Variants in TBL3 observed in about 807,000 individuals in gnomAD.
The protein encoded by TBL3 is transducin beta-like protein 3.
TBL3 carries 71 observed loss-of-function variants against 102.7 expected under a neutral mutation model. That is an observed-to-expected ratio of 0.69 (90% CI 0.57 to 0.84). The LOEUF is 0.84. Ranked by LOEUF, TBL3 falls within the 40% of genes least tolerant of loss-of-function variation. TBL3 has a pLI of 0.00. For missense variants in TBL3, 1,188 were observed against 1,098.5 expected, an observed-to-expected ratio of 1.08 and a Z score of -1.15; for synonymous variants, 578 against 477.7, an observed-to-expected ratio of 1.21 and a Z score of -2.74.
At position 1,982,125 on chromosome 16, in the gene TBL3, C is replaced by G. The variant is rs190592417; in HGVS notation, c.*3440C>G. On this transcript the variant is annotated 3_prime_UTR_variant, in exon 22 of 22. Transcript: ENST00000568546. ...GTGGTTTTTCCTCGTGCTGGGGCCA[C>G]CAGTTCTGTGTTGGGATGCACCTAC... 6.6e-6 allele frequency: 1 copy of G among 152,334 alleles called. No homozygotes were observed. Among genetic ancestry groups the G allele is most frequent in the Admixed American group, 6.5e-5 (1 of 15,298 alleles). 9.4% of individuals were successfully genotyped at this position (152,334 alleles called of 1,614,324 possible).
chr16:1,978,399 C>G lies in TBL3; in HGVS notation c.2221C>G (p.Arg741Gly). 1 of 1,611,476 alleles carries G rather than the reference C, an allele frequency of 6.2e-7. No homozygotes were observed. The change falls in exon 21 of 22, where the codon CGA becomes GGA. Residue 741 changes from arginine (R) to glycine (G), a missense_variant. Transcript: ENST00000568546. ...AQAVLGVLLR[R>G]EAPEELLAYE... ...GGCCGTGCTGGGTGTGCTCTTGAGGCGAGAGGCCCCCGAGGAGCTGCTGGC... is the reference window on the plus strand; with the variant it reads ...GGCCGTGCTGGGTGTGCTCTTGAGGGGAGAGGCCCCCGAGGAGCTGCTGGC...
Position 1,978,675 on chromosome 16 carries a change from C to T in TBL3, c.2417C>T (p.Ala806Val), listed in dbSNP as rs1327167461. The change falls in exon 22 of 22, where the codon GCA (alanine) becomes GTA (valine). Residue 806 changes from alanine to valine, a missense_variant. Ala to Val is a moderately conservative substitution (Grantham distance 64). Coordinates refer to ENST00000568546, the MANE Select transcript of TBL3 (RefSeq NM_006453.3). ...APTPWETHKG[A>V]LP Reference sequence around the variant, plus strand: ...ACCCCCTGGGAAACCCATAAAGGCGCACTGCCCTAGCCGGTCCGGCCTCTC... The same window carrying T: ...ACCCCCTGGGAAACCCATAAAGGCGTACTGCCCTAGCCGGTCCGGCCTCTC... 1.9e-6 allele frequency: 3 copies of T among 1,611,598 alleles called. No individual in the cohort carries two copies. Among genetic ancestry groups the T allele is most frequent in the African/African-American group, 1.3e-5 (1 of 75,040 alleles).
Position 1,977,089 on chromosome 16 carries a change from G to C in TBL3, c.1476G>C (p.Lys492Asn). ...INSVAIAPND[K>N]LLATGSQDRT... ...GCGTGGCTATTGCCCCCAACGACAA[G>C]CTGCTGGCCACAGGCTCACAGGACC... Residue 492 changes from lysine to asparagine, a missense_variant, in exon 15 of 22, where the codon AAG becomes AAC. Physicochemically the swap from Lys to Asn is moderately conservative, Grantham distance 94 (BLOSUM62 0). Coordinates refer to ENST00000568546, the MANE Select transcript of TBL3 (RefSeq NM_006453.3). 6.2e-7 allele frequency: 1 copy of C among 1,613,260 alleles called. No individual in the cohort carries two copies. The highest frequency in any genetic ancestry group is 8.5e-7 in the Non-Finnish European group (1 of 1,180,010).
chr16:1,981,449 G>T lies in TBL3; in HGVS notation c.*2764G>T. 1.3e-6 allele frequency: 1 copy of T among 763,342 alleles called. No homozygotes were observed. The highest frequency in any genetic ancestry group is 2.0e-6 in the Non-Finnish European group (1 of 502,912). 47.3% of individuals were successfully genotyped at this position (763,342 alleles called of 1,614,324 possible). A position where few individuals can be genotyped will look rare whatever the true frequency, so the allele number is the denominator to read the frequency against. ...AGGAAGAAGAAGAATGAGCTTTCCA[G>T]CCCTGGAGGCGTGCAAGACTGAAGA... On this transcript the variant is annotated 3_prime_UTR_variant, in exon 22 of 22. Transcript: ENST00000568546.
rs768046346 is a variant in TBL3 at position 1,974,121 on chromosome 16, G to A, written c.93+14G>A. ...GGAAAAGCACAGGTACCAGCCTGGG[G>A]AAGGGCAGTGGGGCGGGCAGCCAGA... On this transcript the variant is annotated intron_variant, in intron 2 of 21. Coordinates refer to ENST00000568546, the MANE Select transcript of TBL3 (RefSeq NM_006453.3). 10 of 1,584,116 alleles carry A rather than the reference G, an allele frequency of 6.3e-6. No homozygotes were observed. In the Admixed American group the frequency reaches 1.0e-4, roughly 17 times the overall value.
Position 1,977,888 on chromosome 16 carries a change from G to A in TBL3, c.1959-70G>A, listed in dbSNP as rs2083417202. 29 of 1,595,162 alleles carry A rather than the reference G, an allele frequency of 1.8e-5. No individual in the cohort carries two copies. The East Asian group carries it at 6.5e-4, about 36-fold the overall frequency. ...AGGCTGAGTGCCAGGCTCCCTGCCT[G>A]CTGACTCCGATGGCTCTGCCTGCAG... On this transcript the variant is annotated intron_variant, in intron 18 of 21. Coordinates refer to ENST00000568546, the MANE Select transcript of TBL3 (RefSeq NM_006453.3).
intron 11 of TBL3, 43 bp from the exon 12 acceptor site, chr16:1,976,013 C>T (rs763895047): frequency 1.2e-6 from 2 of 1,614,170 alleles, no homozygotes; most frequent in East Asian, 2.2e-5. Flanking sequence ...GCTTCCCTTC[C>T]CCCGTCTTGC....
chr16:1,980,331 C>A lies in TBL3; in HGVS notation c.*1646C>A, dbSNP rs758101586. ...CCTGGACCTCTCCCAGCTCCAAACG[C>A]CGCTGCATGCTGGGAGTTTGGGGCG... On this transcript the variant is annotated 3_prime_UTR_variant, in exon 22 of 22. Coordinates refer to ENST00000568546, the MANE Select transcript of TBL3 (RefSeq NM_006453.3). 5.7e-6 allele frequency: 9 copies of A among 1,584,400 alleles called. No homozygotes were observed. The African/African-American group carries it at 8.1e-5, about 14-fold the overall frequency.
chr16:1,972,487 G>A (rs1454541481), intron 1 of TBL3, among the ~76,000 whole-genome samples: 2 of 152,230 alleles, frequency 1.3e-5, no homozygotes. Context: ...TCCCGATGAG[G>A]GGAGGAGAGG....
rs780049868 is a variant in TBL3, at chr16:1,976,362, A to T, written c.1292+48A>T. ...AGGGGTGTCAGGGAGGTGGAGGCCC[A>T]GGCCTGCCAGCAGGGCTGCCGCTCA... On this transcript the variant is annotated intron_variant, in intron 13 of 21. Transcript: ENST00000568546. 7.2e-6 allele frequency: 11 copies of T among 1,529,238 alleles called. No individual in the cohort carries two copies. The African/African-American group carries it at 1.4e-4, about 19-fold the overall frequency. The allele number at this position is 1,529,238 out of a possible 1,614,324, so 94.7% of individuals were successfully genotyped here. A position where few individuals can be genotyped will look rare whatever the true frequency, so the allele number is the denominator to read the frequency against.
In TBL3 at chr16:1,975,790, CT is replaced by C. The variant is rs1310408064; in HGVS notation, c.988-17del. The C allele has an allele frequency of 3.7e-6, 6 of 1,614,020 alleles. No individual in the cohort carries two copies. The highest frequency in any genetic ancestry group is 5.1e-6 in the Non-Finnish European group (6 of 1,180,042). ...CACAGGTCCTGGCTCACATCTCCTGCTCCCTGCCACCCCGCAGTTCGCTGGC... is the reference window on the plus strand; with the variant it reads ...CACAGGTCCTGGCTCACATCTCCTGCCCCTGCCACCCCGCAGTTCGCTGGC... On this transcript the variant is annotated splice_polypyrimidine_tract_variant and intron_variant, in intron 10 of 21. Coordinates refer to ENST00000568546, the MANE Select transcript of TBL3 (RefSeq NM_006453.3).
Position 1,975,577 on chromosome 16 carries a change from A to G in TBL3, c.854A>G (p.Gln285Arg), listed in dbSNP as rs1199656790. The part of the protein sequence containing the change: ...EAASGQCVYT[Q>R]AQPPGPGQEL... The stretch of plus-strand genomic sequence containing the variant: ...GCTTCTGGGCAGTGTGTGTACACGC[A>G]GGCCCAGCCGCCGGGCCCTGGGCAG... Residue 285 changes from glutamine (Q) to arginine (R), a missense_variant, in exon 10 of 22, where the codon CAG becomes CGG. By Grantham distance (43) the Gln-to-Arg change is conservative (BLOSUM62 1). Transcript: ENST00000568546. The G allele has an allele frequency of 4.4e-6, 7 of 1,599,084 alleles. No homozygotes were observed. Among genetic ancestry groups the G allele is most frequent in the Admixed American group, 3.3e-5 (2 of 59,890 alleles).
In TBL3 at chr16:1,977,515, G is replaced by T; in HGVS notation, c.1744G>T (p.Gly582Cys). ...AGCCTCTCCCCACCCCAAACCCAGC[G>T]GTTCGGATGGCCTCGTGAAGCTCTG... ...VSRGTQLLSS[G>C]SDGLVKLWTI... is the part of the protein sequence containing the mutation. Residue 582 changes from glycine to cysteine, a missense_variant and splice_region_variant, in exon 17 of 22, where the codon GGT (glycine) becomes TGT (cysteine). Coordinates refer to ENST00000568546, the MANE Select transcript of TBL3 (RefSeq NM_006453.3). 2 of 1,608,030 alleles carry T rather than the reference G, an allele frequency of 1.2e-6. No homozygotes were observed. The highest frequency in any genetic ancestry group is 1.7e-6 in the Non-Finnish European group (2 of 1,177,532).
At chr16:1,977,027 T>G in intron 14 of TBL3, 27 bp from the exon 15 acceptor site, 1 of 1,612,398 alleles carries the variant, frequency 6.2e-7, no homozygotes, top group Non-Finnish European at 8.5e-7. Flanking sequence ...GGGGGATTGC[T>G]GAGCCACCAC....
Position 1,978,002 on chromosome 16 carries a change from G to A in TBL3, c.2003G>A (p.Arg668Gln), listed in dbSNP as rs2150885341. The A allele has an allele frequency of 1.2e-6, 2 of 1,607,042 alleles. No homozygotes were observed. Among genetic ancestry groups the A allele is most frequent in the Non-Finnish European group, 1.7e-6 (2 of 1,176,600 alleles). ...DNLLHEKRYLRALGLAISLDR... is the reference protein window; with the variant it reads ...DNLLHEKRYLQALGLAISLDR... Reference sequence around the variant, plus strand: ...CTGCTGCATGAGAAGCGGTACCTGCGGGCGCTGGGCCTGGCCATCTCCCTG... The same window carrying A: ...CTGCTGCATGAGAAGCGGTACCTGCAGGCGCTGGGCCTGGCCATCTCCCTG... Residue 668 changes from arginine (R) to glutamine (Q), a missense_variant, in exon 19 of 22, where the codon CGG becomes CAG. By Grantham distance (43) the Arg-to-Gln change is conservative. Coordinates refer to ENST00000568546, the MANE Select transcript of TBL3 (RefSeq NM_006453.3).
At position 1,978,693 on chromosome 16, in the gene TBL3, G is replaced by C; in HGVS notation, c.*8G>C. The stretch of plus-strand genomic sequence containing the variant: ...AAAGGCGCACTGCCCTAGCCGGTCC[G>C]GCCTCTCTCCAGTCCATCCTGAACC... On this transcript the variant is annotated 3_prime_UTR_variant, in exon 22 of 22. Transcript: ENST00000568546. The C allele has an allele frequency of 6.2e-7, 1 of 1,605,038 alleles. No homozygotes were observed. Among genetic ancestry groups the C allele is most frequent in the South Asian group, 1.1e-5 (1 of 90,848 alleles).
At position 1,976,259 on chromosome 16, in the gene TBL3, T is replaced by G. The variant is rs762525628; in HGVS notation, c.1237T>G (p.Cys413Gly). The part of the protein sequence containing the change: ...WRMNKAGQVM[C>G]VAQGSGHTHS... ...AATGAACAAGGCTGGCCAGGTGATG[T>G]GCGTGGCTCAGGGTTCCGGTCACAC... Residue 413 changes from cysteine to glycine, a missense_variant, in exon 13 of 22, where the codon TGC (cysteine) becomes GGC (glycine). Physicochemically the swap from Cys to Gly is radical, Grantham distance 159 (BLOSUM62 -3). Coordinates refer to ENST00000568546, the MANE Select transcript of TBL3 (RefSeq NM_006453.3). 74 of 1,614,146 alleles carry G rather than the reference T, an allele frequency of 4.6e-5. 1 individual carries two copies. The South Asian group carries it at 5.8e-4, about 13-fold the overall frequency.
chr16:1,979,650 C>T lies in TBL3; in HGVS notation c.*965C>T. The stretch of plus-strand genomic sequence containing the variant: ...TGAGTCTGCTGACGGCGGGGCCGCT[C>T]TAAGACCGGTTCGGGGCTTCCTCTA... On this transcript the variant is annotated 3_prime_UTR_variant, in exon 22 of 22. Transcript: ENST00000568546. 1.6e-6 allele frequency: 2 copies of T among 1,253,696 alleles called. No individual in the cohort carries two copies. The highest frequency in any genetic ancestry group is 2.2e-6 in the Non-Finnish European group (2 of 897,366). The allele number at this position is 1,253,696 out of a possible 1,614,324, so 77.7% of individuals were successfully genotyped here.
rs145545180 is a variant in TBL3, at chr16:1,978,096, C to G, written c.2062+35C>G. ...CACCCCGGGGGGCGAGGGGCTGGGT[C>G]TTCGGACCACTGGGCTCTGCTTTCC... On this transcript the variant is annotated intron_variant, in intron 19 of 21. Transcript: ENST00000568546. 5.8e-4 allele frequency: 926 copies of G among 1,608,704 alleles called. 8 individuals are homozygous for G. The East Asian group carries it at 0.015, about 26-fold the overall frequency.
Sources: gnomAD v4.1 joint callset for allele counts (sites outside exome capture counted in the v4.1 genomes callset) on GRCh38, gnomAD v4.1.1 for gene constraint, MANE v1.5 for transcripts, NCBI Gene and HGNC (gene_info 2026-07-23, HGNC 2026-07-21) for gene names.